The following ATP2C1 variants were observed in gnomAD, a reference collection of about 807,000 sequenced individuals.
The protein encoded by ATP2C1 is ATPase secretory pathway Ca2+ transporting 1.
Under a neutral mutation model 120.5 loss-of-function variants are expected in ATP2C1, and 31 were observed. The observed-to-expected ratio is 0.26, with a 90% CI of 0.19 to 0.35. ATP2C1 has a LOEUF of 0.35. ATP2C1 is among the 10% of genes least tolerant of loss of function. ATP2C1 has a pLI of 1.00. For synonymous variants in ATP2C1, 351 were observed against 358.7 expected, an observed-to-expected ratio of 0.98 and a Z score of 0.24; for missense variants, 731 against 1,107.5, an observed-to-expected ratio of 0.66 and a Z score of 4.83.
In ATP2C1 at chr3:131,002,869, C is replaced by T; in HGVS notation, c.*1519C>T. On this transcript the variant is annotated 3_prime_UTR_variant, in exon 28 of 28. Transcript: ENST00000510168. ...AAGGAGCTGGCTGCAGTTTATTCTA[C>T]TTAACCCTTTAAGGCTGAATTGTCA... 1 of 985,782 alleles carries T rather than the reference C, an allele frequency of 1.0e-6. No homozygotes were observed. Among genetic ancestry groups the T allele is most frequent in the South Asian group, 4.7e-5 (1 of 21,288 alleles). The allele number at this position is 985,782 out of a possible 1,614,324, so 61.1% of individuals were successfully genotyped here.
chr3:130,861,578 A>G (rs9877656), intron 1 of ATP2C1, among the ~76,000 whole-genome samples: 6 of 152,226 alleles, frequency 3.9e-5, no homozygotes, highest in Non-Finnish European at 8.8e-5. Flanking sequence ...TTCTTTACTC[A>G]GTCCACTAAT....
intron 8 of ATP2C1, among the ~76,000 whole-genome samples, chr3:130,950,440 C>G (rs1420278208): frequency 6.6e-6 from 1 of 152,102 alleles, no homozygotes; most frequent in Non-Finnish European, 1.5e-5. Flanking sequence ...AATAATGACT[C>G]TAATATCTTT....
chr3:130,937,526 TGTG>T, intron 6 of ATP2C1, 63 bp downstream of exon 6: 1 of 1,399,534 alleles, frequency 7.1e-7, no homozygotes, highest in East Asian at 2.3e-5. Context: ...CAAGGTGTCT[TGTG>T]GTAGAACCTA....
chr3:130,941,472 C>CT, intron 7 of ATP2C1, 119 bp from the exon 8 acceptor site: 1 of 764,908 alleles, frequency 1.3e-6, no homozygotes, highest in Non-Finnish European at 2.3e-6. Context: ...TAGAAACAGT[C>CT]TTTTTCTTGG....
intron 1 of ATP2C1, among the ~76,000 whole-genome samples, chr3:130,876,731 C>A (rs1218690395): frequency 6.6e-6 from 1 of 152,032 alleles, no homozygotes; most frequent in Non-Finnish European, 1.5e-5. Flanking sequence ...AATACTAATT[C>A]TTTCAATTCA....
intron 1 of ATP2C1, among the ~76,000 whole-genome samples, chr3:130,887,975 G>A (rs72983755): frequency 4.7e-4 from 71 of 152,304 alleles, no homozygotes; most frequent in African/African-American, 1.5e-3. Context: ...CTCACCCAAG[G>A]CCCATGCCAT....
Position 130,900,155 on chromosome 3 carries a change from T to C in ATP2C1, c.6+5380T>C, listed in dbSNP as rs772704154. On this transcript the variant is annotated intron_variant, in intron 2 of 27. Coordinates refer to ENST00000510168, the MANE Select transcript of ATP2C1 (RefSeq NM_001378687.1). ...ATAGCTCACCAAAGCCCCTAACTCCTGGACTAATGCGATCTCCCTGCCTTA... is the reference window on the plus strand; with the variant it reads ...ATAGCTCACCAAAGCCCCTAACTCCCGGACTAATGCGATCTCCCTGCCTTA... Among the ~76,000 whole-genome samples, 30 of 152,178 alleles carry C rather than the reference T, an allele frequency of 2.0e-4. 1 individual carries two copies. The highest frequency in any genetic ancestry group is 4.6e-4 in the Admixed American group (7 of 15,272).
chr3:130,952,525 A>T (rs1328656755), intron 8 of ATP2C1, among the ~76,000 whole-genome samples: 1 of 152,186 alleles, frequency 6.6e-6, no homozygotes, highest in East Asian at 1.9e-4. Flanking sequence ...ATTTAAATTT[A>T]GAATACTTGG....
chr3:130,945,434 A>G (rs2060104822), intron 8 of ATP2C1, among the ~76,000 whole-genome samples: 1 of 151,982 alleles, frequency 6.6e-6, no homozygotes, highest in Non-Finnish European at 1.5e-5. Flanking sequence ...TTACATATGT[A>G]TACAAGTGCC....
At position 130,969,372 on chromosome 3, in the gene ATP2C1, T is replaced by G. The variant is rs1159738972; in HGVS notation, c.1389T>G (p.Val463=). Residue 463 remains valine, a synonymous_variant, in exon 17 of 28, where the codon GTT becomes GTG. Coordinates refer to ENST00000510168, the MANE Select transcript of ATP2C1 (RefSeq NM_001378687.1). ...PFSSEQKWMA[V]KCVHRTQQDR... ...GCTCTGAGCAAAAGTGGATGGCTGTTAAGTGTGTACACCGAACACAGCAGG... is the reference window on the plus strand; with the variant it reads ...GCTCTGAGCAAAAGTGGATGGCTGTGAAGTGTGTACACCGAACACAGCAGG... 3.1e-6 allele frequency: 5 copies of G among 1,613,774 alleles called. No homozygotes were observed. The Admixed American group carries it at 8.3e-5, about 27-fold the overall frequency.
Position 130,996,327 on chromosome 3 carries a change from G to A in ATP2C1, c.2126+216G>A, listed in dbSNP as rs988827910. The A allele has an allele frequency of 6.8e-6, 4 of 591,882 alleles. No homozygotes were observed. In the East Asian group the frequency reaches 1.1e-4, roughly 17 times the overall value. The allele number at this position is 591,882 out of a possible 1,614,324, so 36.7% of individuals were successfully genotyped here. A position where few individuals can be genotyped will look rare whatever the true frequency, so the allele number is the denominator to read the frequency against. On this transcript the variant is annotated intron_variant, in intron 23 of 27. Coordinates refer to ENST00000510168, the MANE Select transcript of ATP2C1 (RefSeq NM_001378687.1). ...AGTTAGATGTCTGTATCATCAAAAT[G>A]TATAAATCTTTGTGATTTATTTAAT...
chr3:130,868,412 G>T (rs1272481714), intron 1 of ATP2C1: 1 of 132,374 alleles, frequency 7.6e-6, no homozygotes, highest in African/African-American at 2.7e-5. Flanking sequence ...CGCCCAGTCC[G>T]GGAGGGAGGT....
At chr3:131,010,746 T>G (rs1195203002) in intron 26 of ATP2C1, among the ~76,000 whole-genome samples, 2 of 152,214 alleles carry the variant, frequency 1.3e-5, no homozygotes, top group Non-Finnish European at 2.9e-5. Flanking sequence ...TTCCTGCCCA[T>G]CTTTCTTCTT....
At chr3:130,929,943 A>T in intron 2 of ATP2C1, 1 of 239,160 alleles carries the variant, frequency 4.2e-6, no homozygotes, top group Non-Finnish European at 8.3e-6. Context: ...ACTTGTTGTC[A>T]TGGTGCGTTG....
At chr3:130,908,540 T>C (rs1221031161) in intron 2 of ATP2C1, among the ~76,000 whole-genome samples, 1 of 151,756 alleles carries the variant, frequency 6.6e-6, no homozygotes, top group Non-Finnish European at 1.5e-5. Context: ...TACACAGAAA[T>C]AGTTAACAGA....
At chr3:130,911,611 CA>C (rs2058417383) in intron 2 of ATP2C1, among the ~76,000 whole-genome samples, 1 of 152,130 alleles carries the variant, frequency 6.6e-6, no homozygotes, top group African/African-American at 2.4e-5. Context: ...AGGATACAAA[CA>C]AATGGAAGAA....
chr3:130,945,901 G>GTT (rs758908944), intron 8 of ATP2C1, among the ~76,000 whole-genome samples: 2 of 130,838 alleles, frequency 1.5e-5, no homozygotes, highest in Non-Finnish European at 3.3e-5. Flanking sequence ...AAGGTTGTGG[G>GTT]TTTTTTTTTT....
chr3:130,922,698 G>T (rs1171743224), intron 2 of ATP2C1, among the ~76,000 whole-genome samples: 1 of 152,072 alleles, frequency 6.6e-6, no homozygotes. Context: ...TTCCATTTTG[G>T]TTTCATTATT....
At chr3:130,892,051 T>C (rs147760714), upstream of ATP2C1, among the ~76,000 whole-genome samples, 2 of 152,282 alleles carry the variant, frequency 1.3e-5, no homozygotes, top group Non-Finnish European at 2.9e-5. Context: ...AAAAGTAAAA[T>C]TTCAGTTTAA....
Sources: gnomAD v4.1 joint callset for allele counts (sites outside exome capture counted in the v4.1 genomes callset) on GRCh38, gnomAD v4.1.1 for gene constraint, MANE v1.5 for transcripts, NCBI Gene and HGNC (gene_info 2026-07-23, HGNC 2026-07-21) for gene names.